TFEC: variants seen among roughly 807,000 people sequenced by gnomAD.
TFEC encodes class E basic helix-loop-helix protein 34.
Under a neutral mutation model 41.6 loss-of-function variants are expected in TFEC, and 31 were observed. The observed-to-expected ratio is 0.74, with a 90% CI of 0.56 to 1.01. TFEC has a LOEUF of 1.01. TFEC is among the 50% of genes least tolerant of loss of function. The probability of loss-of-function intolerance (pLI) is 0.00; values close to 1 mark genes in which losing one functional copy is unlikely to be tolerated. For synonymous variants in TFEC, 143 were observed against 140.6 expected, an observed-to-expected ratio of 1.02 and a Z score of -0.12; for missense variants, 402 against 404.1, an observed-to-expected ratio of 0.99 and a Z score of 0.04.
intron 1 of TFEC, among the ~76,000 whole-genome samples, chr7:115,986,024 T>A (rs1018886943): frequency 6.6e-6 from 1 of 152,196 alleles, no homozygotes; most frequent in African/African-American, 2.4e-5. Flanking sequence ...ATATGTTGAA[T>A]CAGAATTTAC....
chr7:115,941,791 A>G, intron 7 of TFEC, 102 bp downstream of exon 7: 1 of 1,443,844 alleles, frequency 6.9e-7, no homozygotes, highest in Admixed American at 2.3e-5. Context: ...AAGGAAAAAT[A>G]ATTGTTAATA....
At chr7:116,049,017 C>A (rs1420337843) in intron 3 of TFEC, among the ~76,000 whole-genome samples, 2 of 152,216 alleles carry the variant, frequency 1.3e-5, no homozygotes, top group Non-Finnish European at 1.5e-5. Flanking sequence ...GTACCAGCCA[C>A]TGCAAAAACA....
In TFEC at chr7:116,096,050, T is replaced by A. The variant is rs150824582; in HGVS notation, c.198+14658A>T. 1.7e-3 allele frequency among the ~76,000 whole-genome samples: 261 copies of A among 152,338 alleles called. 1 individual carries two copies. Among genetic ancestry groups the A allele is most frequent in the African/African-American group, 6.0e-3 (250 of 41,572 alleles). Reference sequence around the variant, plus strand: ...CACTTTTCCATTGTAATCTTGAACTTAATACGTCTTAAATATAACTTTGTA... The same window carrying A: ...CACTTTTCCATTGTAATCTTGAACTAAATACGTCTTAAATATAACTTTGTA... On this transcript the variant is annotated intron_variant, in intron 3 of 8. Coordinates refer to the TFEC transcript ENST00000484212.
intron 3 of TFEC, among the ~76,000 whole-genome samples, chr7:116,071,970 C>T (rs969538233): frequency 3.3e-5 from 5 of 151,332 alleles, no homozygotes; most frequent in African/African-American, 1.2e-4. Flanking sequence ...CATAAAAGAC[C>T]TTAATTAAAG....
chr7:116,151,658 T>C (rs1584577007), intron 1 of TFEC, among the ~76,000 whole-genome samples: 2 of 152,152 alleles, frequency 1.3e-5, no homozygotes, highest in African/African-American at 4.8e-5. Flanking sequence ...CAATGGAATT[T>C]TTTTTTTCAT....
At chr7:116,116,709 G>T (rs1357187099) in intron 1 of TFEC, among the ~76,000 whole-genome samples, 3 of 151,854 alleles carry the variant, frequency 2.0e-5, no homozygotes, top group African/African-American at 7.2e-5. Flanking sequence ...GCAAATAAGA[G>T]CACATGTCCC....
At chr7:115,968,071 G>C in intron 3 of TFEC, 1 of 1,087,974 alleles carries the variant, frequency 9.2e-7, no homozygotes, top group Non-Finnish European at 1.2e-6. Flanking sequence ...GCGTTTCAAA[G>C]CTCAATGTTC....
chr7:115,961,785 C>A (rs1389541518), intron 3 of TFEC, among the ~76,000 whole-genome samples: 1 of 151,598 alleles, frequency 6.6e-6, no homozygotes, highest in Non-Finnish European at 1.5e-5. Context: ...TACTTCTATT[C>A]AACACAGTAT....
chr7:115,950,071 G>C (rs1380146377), intron 6 of TFEC, among the ~76,000 whole-genome samples: 11 of 147,542 alleles, frequency 7.5e-5, no homozygotes, highest in African/African-American at 2.5e-4. Flanking sequence ...GAGTGCAGTG[G>C]CATGATCTTA....
At chr7:116,051,562 T>C (rs575346022) in intron 3 of TFEC, among the ~76,000 whole-genome samples, 142 of 152,268 alleles carry the variant, frequency 9.3e-4, no homozygotes, top group Non-Finnish European at 1.7e-3. Context: ...CTGGAACAAA[T>C]GGTATATCAT....
chr7:116,046,256 G>C (rs918599797), intron 3 of TFEC, among the ~76,000 whole-genome samples: 1 of 152,094 alleles, frequency 6.6e-6, no homozygotes, highest in Non-Finnish European at 1.5e-5. Context: ...GATATGGTTT[G>C]GCTGTGTCCC....
intron 3 of TFEC, among the ~76,000 whole-genome samples, chr7:116,055,868 A>T (rs1226406005): frequency 6.6e-6 from 1 of 152,094 alleles, no homozygotes; most frequent in Non-Finnish European, 1.5e-5. Flanking sequence ...CTGAAATAAC[A>T]TACCTCCTAA....
chr7:116,003,826 A>T (rs1295987600), intron 1 of TFEC, among the ~76,000 whole-genome samples: 3 of 152,176 alleles, frequency 2.0e-5, no homozygotes, highest in African/African-American at 7.2e-5. Flanking sequence ...CAATAACAAA[A>T]AGATAGCTAA....
At chr7:116,158,787 T>C (rs922634874) in intron 1 of TFEC, among the ~76,000 whole-genome samples, 1 of 152,108 alleles carries the variant, frequency 6.6e-6, no homozygotes, top group Non-Finnish European at 1.5e-5. Flanking sequence ...TCCTATTTTG[T>C]AGTATTTCAC....
At chr7:116,098,872 AAGG>A (rs1797535207) in intron 3 of TFEC, among the ~76,000 whole-genome samples, 1 of 63,354 alleles carries the variant, frequency 1.6e-5, no homozygotes, top group Non-Finnish European at 3.5e-5. Flanking sequence ...GAAGAAAAGG[AAGG>A]AAGGAAGGAA....
intron 1 of TFEC, among the ~76,000 whole-genome samples, chr7:116,150,970 G>A (rs973370257): frequency 1.3e-5 from 2 of 151,942 alleles, no homozygotes; most frequent in African/African-American, 2.4e-5. Flanking sequence ...ATCAGGATTT[G>A]GAGTTCTAAA....
chr7:116,150,812 T>C (rs1453681807), intron 1 of TFEC, among the ~76,000 whole-genome samples: 2 of 152,178 alleles, frequency 1.3e-5, no homozygotes, highest in African/African-American at 2.4e-5. Flanking sequence ...GTAAGGGTGA[T>C]TGGAAGGCAT....
intron 1 of TFEC, among the ~76,000 whole-genome samples, chr7:116,132,280 T>C (rs1379323884): frequency 1.3e-5 from 2 of 152,228 alleles, no homozygotes; most frequent in Admixed American, 1.3e-4. Flanking sequence ...GTTGTTTATA[T>C]GGCACTGTTC....
At chr7:116,028,548 A>C (rs1011799269) in intron 1 of TFEC, among the ~76,000 whole-genome samples, 2 of 152,170 alleles carry the variant, frequency 1.3e-5, no homozygotes, top group Admixed American at 1.3e-4. Flanking sequence ...CATGCTTTGC[A>C]CTATGCATGT....
Sources: gnomAD v4.1 joint callset for allele counts (sites outside exome capture counted in the v4.1 genomes callset) on GRCh38, gnomAD v4.1.1 for gene constraint, MANE v1.5 for transcripts, NCBI Gene and HGNC (gene_info 2026-07-23, HGNC 2026-07-21) for gene names.